PPARGC1B: variants seen among roughly 807,000 people sequenced by gnomAD.
PPARGC1B encodes PPARG coactivator 1 beta, also known as peroxisome proliferator-activated receptor gamma coactivator 1-beta.
In PPARGC1B, 34 loss-of-function variants were observed where a neutral mutation model predicts 101.6. The observed-to-expected ratio is 0.33, with a 90% CI of 0.25 to 0.45. PPARGC1B has a LOEUF of 0.45. Among genes scored for constraint, PPARGC1B ranks in the 20% least tolerant of loss-of-function variants. The pLI, the probability that PPARGC1B is intolerant of heterozygous loss-of-function variation, is 1.00. For missense variants in PPARGC1B, 1,234 were observed against 1,317.6 expected (o/e 0.94, Z 0.98); for synonymous variants, 548 against 539.3 (o/e 1.02, Z -0.22).
chr5:149,786,266 T>C (rs1304585320), intron 1 of PPARGC1B, among the ~76,000 whole-genome samples: 7 of 152,178 alleles, frequency 4.6e-5, no homozygotes, highest in African/African-American at 1.7e-4. Context: ...CTAATTTTTG[T>C]ATATTTTTTA....
chr5:149,764,481 G>T (rs1755832361), intron 1 of PPARGC1B, among the ~76,000 whole-genome samples: 1 of 152,220 alleles, frequency 6.6e-6, no homozygotes, highest in South Asian at 2.1e-4. Flanking sequence ...TCTTTGGCCA[G>T]TGAAGGTGCC....
intron 1 of PPARGC1B, among the ~76,000 whole-genome samples, chr5:149,768,623 C>G (rs1310501362): frequency 2.4e-5 from 3 of 124,600 alleles, no homozygotes; most frequent in African/African-American, 5.1e-5. Flanking sequence ...TTTGTATTTT[C>G]TGCCACCTCA....
In PPARGC1B at chr5:149,767,357, T is replaced by C. The variant is rs1371655044; in HGVS notation, c.78+36937T>C. Among the ~76,000 whole-genome samples, 5 of 152,290 alleles carry C rather than the reference T, an allele frequency of 3.3e-5. No homozygotes were observed. The East Asian group carries it at 9.7e-4, about 29-fold the overall frequency. On this transcript the variant is annotated intron_variant, in intron 1 of 11. Coordinates refer to ENST00000309241, the MANE Select transcript of PPARGC1B (RefSeq NM_133263.4). ...AGAAAGATTCCTTGATAATGAATGA[T>C]TGTTTAGAAATGATGGCTTATTCAG...
intron 1 of PPARGC1B, among the ~76,000 whole-genome samples, chr5:149,735,359 C>T (rs1021995303): frequency 6.6e-6 from 1 of 152,210 alleles, no homozygotes; most frequent in Admixed American, 6.5e-5. Flanking sequence ...AGAAGTTCCA[C>T]TATGCCACGT....
chr5:149,843,543 G>A (rs767160718), intron 10 of PPARGC1B, among the ~76,000 whole-genome samples: 11 of 152,148 alleles, frequency 7.2e-5, no homozygotes, highest in Non-Finnish European at 1.6e-4. Context: ...AGTGTTGGTG[G>A]GAATTTTAAA....
rs766837874 is a variant in PPARGC1B at position 149,826,842 on chromosome 5, A to G, written c.422A>G (p.Glu141Gly). 1.2e-6 allele frequency: 2 copies of G among 1,613,740 alleles called. No individual in the cohort carries two copies. The highest frequency in any genetic ancestry group is 2.2e-5 in the East Asian group (1 of 44,878). Residue 141 changes from glutamate to glycine, a missense_variant, in exon 3 of 12, where the codon GAG becomes GGG. Glu to Gly is a moderately conservative substitution (Grantham distance 98). Around this residue, in one of 3 missense-constraint regions of PPARGC1B, gnomAD observed 734 missense variants for 768.4 expected, o/e 0.96. Coordinates refer to ENST00000309241, the MANE Select transcript of PPARGC1B (RefSeq NM_133263.4). ...TCTGCACCCCCCAGCCCTGCCCCGGAGAAGCCCTCGGCCCCAGCCCCTGAG... is the reference window on the plus strand; with the variant it reads ...TCTGCACCCCCCAGCCCTGCCCCGGGGAAGCCCTCGGCCCCAGCCCCTGAG... ...PSSAPPSPAP[E>G]KPSAPAPEVD...
In PPARGC1B at chr5:149,847,701, CT is replaced by C; in HGVS notation, c.*146del. On this transcript the variant is annotated 3_prime_UTR_variant, in exon 12 of 12. Coordinates refer to ENST00000309241, the MANE Select transcript of PPARGC1B (RefSeq NM_133263.4). ...GTGAGAGAGACTTGAAACTGCTGTC[CT>C]TTAAAAAAAAAAAAAATCAATGTTT... 11 of 608,338 alleles carry C rather than the reference CT, an allele frequency of 1.8e-5. No homozygotes were observed. Among genetic ancestry groups the C allele is most frequent in the Admixed American group, 3.0e-5 (1 of 33,006 alleles). 37.7% of individuals were successfully genotyped at this position (608,338 alleles called of 1,614,324 possible).
At chr5:149,817,039 C>T (rs1303122058) in intron 1 of PPARGC1B, among the ~76,000 whole-genome samples, 1 of 152,220 alleles carries the variant, frequency 6.6e-6, no homozygotes. Flanking sequence ...TCCCCCACCC[C>T]TGGTCACCAA....
At chr5:149,740,115 T>C (rs182638484) in intron 1 of PPARGC1B, 188 of 152,364 alleles carry the variant, frequency 1.2e-3, no homozygotes, top group African/African-American at 4.0e-3. Context: ...GATGACTGTT[T>C]GGTGTTTTAG....
intron 1 of PPARGC1B, chr5:149,818,843 A>AAC (rs1227191890): frequency 4.4e-6 from 2 of 456,666 alleles, no homozygotes; most frequent in Admixed American, 2.3e-5. Context: ...TTTTAATCTT[A>AAC]ACATATAAGG....
At chr5:149,797,928 G>A (rs1006140189) in intron 1 of PPARGC1B, among the ~76,000 whole-genome samples, 2 of 151,600 alleles carry the variant, frequency 1.3e-5, no homozygotes, top group South Asian at 2.1e-4. Context: ...CCCACCCCCC[G>A]CCAAAAAACA....
Position 149,845,899 on chromosome 5 carries a change from A to G in PPARGC1B, c.2956A>G (p.Arg986Gly), listed in dbSNP as rs371873489. 49 of 1,614,106 alleles carry G rather than the reference A, an allele frequency of 3.0e-5. No homozygotes were observed. The highest frequency in any genetic ancestry group is 3.2e-5 in the Non-Finnish European group (38 of 1,180,058). ...YGGLRHFCWPRYTDYDSNSEE... is the reference protein window; with the variant it reads ...YGGLRHFCWPGYTDYDSNSEE... ...AGGGCTCCGGCACTTCTGCTGGCCC[A>G]GATACACTGACTACGGTAAGCCCCT... The change falls in exon 11 of 12, where the codon AGA becomes GGA. Residue 986 changes from arginine to glycine, a missense_variant. Physicochemically the swap from Arg to Gly is moderately radical, Grantham distance 125 (BLOSUM62 -2). Coordinates refer to ENST00000309241, the MANE Select transcript of PPARGC1B (RefSeq NM_133263.4).
intron 8 of PPARGC1B, 56 bp from the exon 9 acceptor site, chr5:149,839,985 C>G: frequency 6.4e-7 from 1 of 1,562,724 alleles, no homozygotes; most frequent in South Asian, 1.1e-5. Context: ...GATCCGCCCC[C>G]ACCCCCATGG....
chr5:149,846,643 G>GA (rs10690330), intron 11 of PPARGC1B: 108,190 of 146,688 alleles, frequency 0.74, 39,800 homozygotes, highest in East Asian at 0.91. Flanking sequence ...CAAAAGGAAA[G>GA]AAAAAAAAAA....
In PPARGC1B at chr5:149,780,901, C is replaced by T. The variant is rs1403233452; in HGVS notation, c.79-39532C>T. ...GAGGTCAGAAGGGGAAGTTCTGGCT[C>T]GAGCTAAGAAGGGGCTTTCCGGCAG... is the stretch of plus-strand genomic sequence containing the variant. On this transcript the variant is annotated intron_variant, in intron 1 of 11. Transcript: ENST00000309241. Among the ~76,000 whole-genome samples the T allele has an allele frequency of 3.3e-5, 5 of 152,126 alleles. No homozygotes were observed. In the South Asian group the frequency reaches 8.3e-4, roughly 25 times the overall value.
chr5:149,750,654 G>C (rs889588336), intron 1 of PPARGC1B, among the ~76,000 whole-genome samples: 1 of 151,970 alleles, frequency 6.6e-6, no homozygotes, highest in Non-Finnish European at 1.5e-5. Flanking sequence ...CAACCATGAG[G>C]TCTGTAATTA....
chr5:149,807,444 CACCCTTTGCT>C (rs1757643051), intron 1 of PPARGC1B, among the ~76,000 whole-genome samples: 1 of 152,152 alleles, frequency 6.6e-6, no homozygotes, highest in Non-Finnish European at 1.5e-5. Context: ...GAGCAACAGT[CACCCTTTGCT>C]TTCCTTCCGA....
At chr5:149,835,486 C>T (rs1310696799) in intron 7 of PPARGC1B, 121 bp downstream of exon 7, 16 of 852,370 alleles carry the variant, frequency 1.9e-5, no homozygotes, top group African/African-American at 1.3e-4. Flanking sequence ...CCTGCCTTCA[C>T]GGGGCTTATG....
At chr5:149,802,060 C>T (rs1757447652) in intron 1 of PPARGC1B, among the ~76,000 whole-genome samples, 1 of 152,166 alleles carries the variant, frequency 6.6e-6, no homozygotes, top group Non-Finnish European at 1.5e-5. Flanking sequence ...CCGTCCCTGA[C>T]CCCCGAGCTC....
Sources: gnomAD v4.1 joint callset for allele counts (sites outside exome capture counted in the v4.1 genomes callset) on GRCh38, gnomAD v4.1.1 for gene constraint, gnomAD v4.1.1 regional missense constraint, MANE v1.5 for transcripts, NCBI Gene and HGNC (gene_info 2026-07-23, HGNC 2026-07-21) for gene names.